DCP1B: variants seen among roughly 807,000 people sequenced by gnomAD.
The protein encoded by DCP1B is mRNA-decapping enzyme 1B.
Under a neutral mutation model 60.5 loss-of-function variants are expected in DCP1B, and 47 were observed. That is an observed-to-expected ratio of 0.78 (90% CI 0.61 to 0.99). The LOEUF (loss-of-function observed/expected upper bound fraction) is 0.99. DCP1B is among the 50% of genes least tolerant of loss of function. The probability of loss-of-function intolerance (pLI) is 0.00; values close to 1 mark genes in which losing one functional copy is unlikely to be tolerated. For missense variants in DCP1B, 725 were observed against 756.8 expected (o/e 0.96, Z 0.49); for synonymous variants, 267 against 280.3 (o/e 0.95, Z 0.47).
In DCP1B at chr12:1,946,248, A is replaced by C. The variant is rs2030416745; in HGVS notation, c.1812T>G (p.Tyr604Ter). 6.2e-7 allele frequency: 1 copy of C among 1,608,460 alleles called. No individual in the cohort carries two copies. Among genetic ancestry groups the C allele is most frequent in the African/African-American group, 1.3e-5 (1 of 74,642 alleles). Residue 604 changes from tyrosine to a stop codon, truncating the protein, a stop_gained, in exon 9 of 9, where the codon TAT (tyrosine) becomes TAG (stop). Coordinates refer to ENST00000280665, the MANE Select transcript of DCP1B (RefSeq NM_152640.5). LOFTEE classifies it high-confidence loss of function. ...DNFLNIIYEA[Y>*]LFSMTQAAMK... ...TGGCTGCTTGAGTCATGCTGAAGAG[A>C]TAGGCTTCATAGATTATATTTAAGA... is the stretch of plus-strand genomic sequence containing the variant.
chr12:1,971,760 A>G lies in DCP1B; in HGVS notation c.320-3850T>C, dbSNP rs2032050477. Among the ~76,000 whole-genome samples the G allele has an allele frequency of 6.6e-6, 1 of 152,178 alleles. No homozygotes were observed. The highest frequency in any genetic ancestry group is 2.4e-5 in the African/African-American group (1 of 41,446). On this transcript the variant is annotated intron_variant, in intron 3 of 8. Coordinates refer to ENST00000280665, the MANE Select transcript of DCP1B (RefSeq NM_152640.5). This position sits in a 1 kb window ranked among gnomAD's most constrained non-coding sequence, Gnocchi z 4.2. ...AGCATGGTGCATTAGTTCATTTTGC[A>G]TGTTCTTTGGGGATTTGCCTTATCT...
intron 3 of DCP1B, among the ~76,000 whole-genome samples, chr12:1,989,258 C>T (rs1378942349): frequency 1.3e-5 from 2 of 152,156 alleles, no homozygotes; most frequent in African/African-American, 4.8e-5. Context: ...GGCGGTTTAG[C>T]CCAGGAGTTC....
At chr12:1,959,152 CAG>C (rs939604550) in intron 5 of DCP1B, among the ~76,000 whole-genome samples, 2 of 151,956 alleles carry the variant, frequency 1.3e-5, no homozygotes, top group Middle Eastern at 3.2e-3. Flanking sequence ...TGGAAGGAAA[CAG>C]GGGAAAAGCT....
In DCP1B at chr12:1,948,761, C is replaced by A. The variant is rs1302900550; in HGVS notation, c.1773+325G>T. 1.3e-5 allele frequency among the ~76,000 whole-genome samples: 2 copies of A among 152,168 alleles called. No homozygotes were observed. Among genetic ancestry groups the A allele is most frequent in the Non-Finnish European group, 2.9e-5 (2 of 68,022 alleles). On this transcript the variant is annotated intron_variant, in intron 8 of 8. Transcript: ENST00000280665. This position sits in a 1 kb window ranked among gnomAD's most constrained non-coding sequence, Gnocchi z 4.8. ...CCCAATGGTGAGTTTTCTGTCTGGG[C>A]CTCCAGCACCCAGGGTCCTCTCAGG...
At chr12:1,955,655 G>A (rs1003487088) in intron 5 of DCP1B, 95 bp from the exon 6 acceptor site, 11 of 1,368,884 alleles carry the variant, frequency 8.0e-6, no homozygotes, top group African/African-American at 2.9e-5. Flanking sequence ...ATTGGTAGAC[G>A]GCTGTGTTTT....
chr12:1,945,783 A>G (rs2030396635), downstream of DCP1B, among the ~76,000 whole-genome samples: 1 of 152,200 alleles, frequency 6.6e-6, no homozygotes, highest in Non-Finnish European at 1.5e-5. Context: ...TAACAAAGTA[A>G]CAGAAAACCA....
intron 2 of DCP1B, among the ~76,000 whole-genome samples, chr12:1,994,778 T>C (rs189889486): frequency 2.6e-5 from 4 of 152,352 alleles, no homozygotes; most frequent in Admixed American, 2.0e-4. Context: ...TCTTTAATAG[T>C]ACAGCTACTA....
At chr12:1,946,026 TATA>T (rs2030405987), downstream of DCP1B, 1 of 500,306 alleles carries the variant, frequency 2.0e-6, no homozygotes, top group Non-Finnish European at 3.5e-6. Flanking sequence ...GAACTTAAAG[TATA>T]ATAATAATTA....
At chr12:1,955,709 A>C in intron 5 of DCP1B, 149 bp from the exon 6 acceptor site, 1 of 958,098 alleles carries the variant, frequency 1.0e-6, no homozygotes, top group Non-Finnish European at 1.5e-6. Context: ...AAATTTCTCT[A>C]AGAGCTATGT....
intron 3 of DCP1B, chr12:1,991,639 G>A (rs1457673163): frequency 7.1e-5 from 13 of 184,014 alleles, no homozygotes; most frequent in Non-Finnish European, 1.2e-4. Context: ...GGTACTAAAC[G>A]GCCACAGTAG....
At chr12:1,955,983 CA>C (rs1293181416) in intron 5 of DCP1B, among the ~76,000 whole-genome samples, 2 of 152,174 alleles carry the variant, frequency 1.3e-5, no homozygotes, top group African/African-American at 4.8e-5. Flanking sequence ...TAGTTGAGTA[CA>C]TTTCATCAAA....
At chr12:1,949,065 G>T in intron 8 of DCP1B, 21 bp downstream of exon 8, 1 of 1,604,922 alleles carries the variant, frequency 6.2e-7, no homozygotes, top group Non-Finnish European at 8.5e-7. Flanking sequence ...AGGTGCGAAG[G>T]GAGATGACGT....
At chr12:1,976,388 A>G (rs1281857384) in intron 3 of DCP1B, among the ~76,000 whole-genome samples, 1 of 152,170 alleles carries the variant, frequency 6.6e-6, no homozygotes, top group Admixed American at 6.5e-5. Flanking sequence ...CTTTCTCATT[A>G]AATGCAGGCT....
chr12:1,947,640 CAAAGT>C (rs1376678016), intron 8 of DCP1B, among the ~76,000 whole-genome samples: 4 of 152,284 alleles, frequency 2.6e-5, no homozygotes, highest in African/African-American at 7.2e-5. Flanking sequence ...GAAACTGGCT[CAAAGT>C]AAAGAGGTTC....
At chr12:1,970,076 C>A (rs997881901) in intron 3 of DCP1B, among the ~76,000 whole-genome samples, 1 of 152,046 alleles carries the variant, frequency 6.6e-6, no homozygotes, top group Non-Finnish European at 1.5e-5. Flanking sequence ...TATACATTTG[C>A]GGCATTTGAC....
chr12:1,970,588 C>T (rs1340564872), intron 3 of DCP1B, among the ~76,000 whole-genome samples: 1 of 152,178 alleles, frequency 6.6e-6, no homozygotes, highest in Non-Finnish European at 1.5e-5. Flanking sequence ...CCTCTTAGCC[C>T]TAAGGTCTAC....
At chr12:1,970,783 C>G (rs991021126) in intron 3 of DCP1B, 1 of 188,624 alleles carries the variant, frequency 5.3e-6, no homozygotes, top group Non-Finnish European at 1.1e-5. Context: ...GAGGCCCATC[C>G]CTACATAGGC....
chr12:1,950,268 G>C, intron 7 of DCP1B: 1 of 692,028 alleles, frequency 1.4e-6, no homozygotes, highest in South Asian at 1.5e-5. Flanking sequence ...GACATTTCGA[G>C]GAGCGGTGCT....
rs1243639627 is a variant in DCP1B at position 1,962,659 on chromosome 12, G to T, written c.522+2899C>A. On this transcript the variant is annotated intron_variant, in intron 5 of 8. Transcript: ENST00000280665. This position sits in a 1 kb window ranked among gnomAD's most constrained non-coding sequence, Gnocchi z 4.4. ...ATAATTTTTTTTAATGACTTTTGAA[G>T]AATTAAAAAAACACAAAATGAATAC... 2.0e-5 allele frequency among the ~76,000 whole-genome samples: 3 copies of T among 151,346 alleles called. No individual in the cohort carries two copies. The highest frequency in any genetic ancestry group is 7.3e-5 in the African/African-American group (3 of 41,116).
Sources: allele counts gnomAD v4.1 joint callset (sites outside exome capture counted in the v4.1 genomes callset), GRCh38; gene constraint gnomAD v4.1.1; non-coding constraint Gnocchi (gnomAD v3.1); transcripts MANE v1.5; gene names NCBI Gene and HGNC (gene_info 2026-07-23, HGNC 2026-07-21).